The following JAKMIP3 variants were observed in gnomAD, a reference collection of about 807,000 sequenced individuals.
JAKMIP3 encodes Janus kinase and microtubule interacting protein 3.
Under a neutral mutation model 118.5 loss-of-function variants are expected in JAKMIP3, and 58 were observed. The ratio of observed to expected loss-of-function variants is 0.49; its 90% CI spans 0.40 to 0.61. The LOEUF is 0.61. Among genes scored for constraint, JAKMIP3 ranks in the 20% least tolerant of loss-of-function variants. The pLI, the probability that JAKMIP3 is intolerant of heterozygous loss-of-function variation, is 0.00. For synonymous variants in JAKMIP3, 486 were observed against 451.2 expected, an observed-to-expected ratio of 1.08 and a Z score of -0.98; for missense variants, 950 against 1,109.0, an observed-to-expected ratio of 0.86 and a Z score of 2.04.
intron 2 of JAKMIP3, among the ~76,000 whole-genome samples, chr10:132,116,790 G>A (rs577998696): frequency 7.4e-6 from 1 of 134,638 alleles, no homozygotes. Flanking sequence ...ACACATTCAG[G>A]TGTGAGTGTG....
In JAKMIP3 at chr10:132,182,424, C is replaced by T. The variant is rs938555175; in HGVS notation, c.*1171C>T. ...TCCATTCCTGCTGGGAGACCCGGGA[C>T]GCAGCCCGGGAGCTTCGTCCAGCCT... On this transcript the variant is annotated 3_prime_UTR_variant, in exon 24 of 24. Transcript: ENST00000684848. 2.0e-4 allele frequency: 30 copies of T among 152,176 alleles called. No individual in the cohort carries two copies. The highest frequency in any genetic ancestry group is 5.6e-4 in the African/African-American group (23 of 41,424). The allele number at this position is 152,176 out of a possible 1,614,324, so 9.4% of individuals were successfully genotyped here.
chr10:132,168,534 C>A lies in JAKMIP3; in HGVS notation c.*604C>A. 1 of 457,896 alleles carries A rather than the reference C, an allele frequency of 2.2e-6. No homozygotes were observed. Among genetic ancestry groups the A allele is most frequent in the Non-Finnish European group, 3.7e-6 (1 of 271,038 alleles). 28.4% of individuals were successfully genotyped at this position (457,896 alleles called of 1,614,324 possible). A position where few individuals can be genotyped will look rare whatever the true frequency, so the allele number is the denominator to read the frequency against. On this transcript the variant is annotated 3_prime_UTR_variant, in exon 23 of 24. Transcript: ENST00000684848. ...GCTGGGGTCCTGAGCACCCGCTGGC[C>A]AACAGACCCCACATCCACCCTCGTT...
At chr10:132,089,194 C>CT (rs147692457) in intron 1 of JAKMIP3, among the ~76,000 whole-genome samples, 17,739 of 152,096 alleles carry the variant, frequency 0.12, 1,212 homozygotes, top group East Asian at 0.3. Flanking sequence ...AATGCGGGCC[C>CT]TTTTTTGGTT....
At chr10:132,105,472 C>A (rs1467358769) in intron 2 of JAKMIP3, among the ~76,000 whole-genome samples, 5 of 152,006 alleles carry the variant, frequency 3.3e-5, no homozygotes, top group African/African-American at 1.2e-4. Flanking sequence ...TGGCTGGATG[C>A]CCAGCACTTT....
intron 4 of JAKMIP3, 50 bp from the exon 5 acceptor site, chr10:132,134,991 T>TA (rs780897849): frequency 6.3e-7 from 1 of 1,598,428 alleles, no homozygotes; most frequent in African/African-American, 1.3e-5. Context: ...TGCAAAGGCT[T>TA]CCCAGGCTTG....
At chr10:132,111,112 C>G (rs547435937) in intron 2 of JAKMIP3, among the ~76,000 whole-genome samples, 1 of 152,164 alleles carries the variant, frequency 6.6e-6, no homozygotes, top group South Asian at 2.1e-4. Context: ...CGGAGGTGCC[C>G]GGAAAGTCCT....
Position 132,183,869 on chromosome 10 carries a change from T to G in JAKMIP3, c.*2616T>G, listed in dbSNP as rs1185419521. On this transcript the variant is annotated 3_prime_UTR_variant, in exon 24 of 24. Coordinates refer to ENST00000684848, the MANE Select transcript of JAKMIP3 (RefSeq NM_001323087.2). ...AGTGAGCAGCAGCAGAATTCAAGTA[T>G]TTAAAAATAAGGTGCATTTCTAAAT... 1 of 152,222 alleles carries G rather than the reference T, an allele frequency of 6.6e-6. No homozygotes were observed. The highest frequency in any genetic ancestry group is 1.5e-5 in the Non-Finnish European group (1 of 68,040). The allele number at this position is 152,222 out of a possible 1,614,324, so 9.4% of individuals were successfully genotyped here.
chr10:132,180,742 CGTGCGCGCGCGT>C lies in JAKMIP3; in HGVS notation c.*1104-1611_*1104-1600del, dbSNP rs1221960859. Among the ~76,000 whole-genome samples, 16 of 8,714 alleles carry C rather than the reference CGTGCGCGCGCGT, an allele frequency of 1.8e-3. 5 individuals carry two copies. The highest frequency in any genetic ancestry group is 5.2e-3 in the African/African-American group (9 of 1,726). The allele number at this position is 8,714 out of a possible 152,430, so 5.7% of individuals were successfully genotyped here. On this transcript the variant is annotated intron_variant, in intron 23 of 23. Coordinates refer to ENST00000684848, the MANE Select transcript of JAKMIP3 (RefSeq NM_001323087.2). ...GTGCGTGTGTGTGCGTGTGTGCGTG[CGTGCGCGCGCGT>C]GTGTGCGTGTGTGTGCGTGTGTGTG... is the stretch of plus-strand genomic sequence containing the variant.
At chr10:132,068,142 T>C (rs2039211760) in intron 1 of JAKMIP3, among the ~76,000 whole-genome samples, 1 of 151,012 alleles carries the variant, frequency 6.6e-6, no homozygotes, top group African/African-American at 2.4e-5. Context: ...GACTGGACTG[T>C]GGGTTTCTGT....
intron 1 of JAKMIP3, among the ~76,000 whole-genome samples, chr10:132,072,077 G>A (rs1215634041): frequency 1.3e-5 from 2 of 151,648 alleles, no homozygotes; most frequent in South Asian, 2.1e-4. Context: ...TCAGCCTCTC[G>A]AGTAGCTGGG....
intron 1 of JAKMIP3, among the ~76,000 whole-genome samples, chr10:132,077,250 G>T (rs796594555): frequency 4.1e-4 from 63 of 152,308 alleles, no homozygotes; most frequent in Middle Eastern, 3.4e-3. Flanking sequence ...GAGAGGGTTT[G>T]CTGTGCTTCC....
chr10:132,165,393 G>A (rs985372965), intron 21 of JAKMIP3, among the ~76,000 whole-genome samples: 1 of 152,232 alleles, frequency 6.6e-6, no homozygotes, highest in Non-Finnish European at 1.5e-5. Flanking sequence ...GTTCAGTCAT[G>A]TCTGGGGGTG....
intron 3 of JAKMIP3, among the ~76,000 whole-genome samples, chr10:132,126,234 G>A (rs376923617): frequency 1.3e-5 from 2 of 151,968 alleles, no homozygotes; most frequent in South Asian, 2.1e-4. Flanking sequence ...TCATTTCACC[G>A]ACTGTGATGT....
At chr10:132,139,678 G>A (rs1035641702) in intron 9 of JAKMIP3, among the ~76,000 whole-genome samples, 2 of 152,222 alleles carry the variant, frequency 1.3e-5, no homozygotes, top group African/African-American at 4.8e-5. Flanking sequence ...TCCAGCAGAC[G>A]CCTTGGCCCT....
At chr10:132,094,959 C>T (rs994270237) in intron 1 of JAKMIP3, among the ~76,000 whole-genome samples, 13 of 152,122 alleles carry the variant, frequency 8.5e-5, no homozygotes, top group South Asian at 6.2e-4. Flanking sequence ...TGTGTACCTA[C>T]GAGAATTATG....
At chr10:132,087,852 C>T (rs2042592418) in intron 1 of JAKMIP3, among the ~76,000 whole-genome samples, 2 of 151,978 alleles carry the variant, frequency 1.3e-5, no homozygotes, top group African/African-American at 4.8e-5. Context: ...TGCTATCCCT[C>T]CCCACTCCCC....
At chr10:132,045,757 C>T (rs1564849471) in intron 1 of JAKMIP3, among the ~76,000 whole-genome samples, 1 of 151,896 alleles carries the variant, frequency 6.6e-6, no homozygotes, top group Non-Finnish European at 1.5e-5. Flanking sequence ...AGTAAGACCC[C>T]ATCTTTACAA....
At chr10:132,173,499 G>A (rs1199576969) in intron 23 of JAKMIP3, among the ~76,000 whole-genome samples, 2 of 151,892 alleles carry the variant, frequency 1.3e-5, no homozygotes, top group African/African-American at 2.4e-5. Context: ...GCCTCACGGT[G>A]TCCACACACA....
chr10:132,120,091 C>T (rs1243071660), intron 3 of JAKMIP3, among the ~76,000 whole-genome samples: 2 of 152,202 alleles, frequency 1.3e-5, no homozygotes, highest in Non-Finnish European at 2.9e-5. Context: ...TCAGGTCGTC[C>T]CCAGGGCCTC....
Sources: allele counts gnomAD v4.1 joint callset (sites outside exome capture counted in the v4.1 genomes callset), GRCh38; gene constraint gnomAD v4.1.1; transcripts MANE v1.5; gene names NCBI Gene and HGNC (gene_info 2026-07-23, HGNC 2026-07-21).